Variants in TAFA4 observed in about 807,000 individuals in gnomAD.
TAFA4 encodes the protein chemokine-like protein TAFA-4.
In TAFA4, 20 loss-of-function variants were observed where a neutral mutation model predicts 21.1. That is an observed-to-expected ratio of 0.95 (90% CI 0.67 to 1.38). TAFA4 has a LOEUF of 1.38. Ranked by LOEUF, TAFA4 falls within the 40% of genes most tolerant of loss-of-function variation. TAFA4 has a pLI of 0.00. For missense variants in TAFA4, 211 were observed against 180.9 expected (o/e 1.17, Z -0.95); for synonymous variants, 71 against 67.4 (o/e 1.05, Z -0.26).
At chr3:68,750,525 T>C (rs973288398) in intron 4 of TAFA4, among the ~76,000 whole-genome samples, 1 of 152,108 alleles carries the variant, frequency 6.6e-6, no homozygotes, top group Non-Finnish European at 1.5e-5. Flanking sequence ...TACAAACCTA[T>C]CTCCAAATAC....
intron 3 of TAFA4, among the ~76,000 whole-genome samples, chr3:68,796,888 A>AGG (rs1703462487): frequency 6.6e-6 from 1 of 152,222 alleles, no homozygotes; most frequent in Non-Finnish European, 1.5e-5. Context: ...AAGATGCTCA[A>AGG]CATCACTAAT....
chr3:68,788,398 T>G (rs1475878976), intron 3 of TAFA4, among the ~76,000 whole-genome samples: 1 of 152,180 alleles, frequency 6.6e-6, no homozygotes. Context: ...CAACATTTCC[T>G]TTTTCGGAGA....
At chr3:68,863,109 G>A (rs1016502666) in intron 3 of TAFA4, among the ~76,000 whole-genome samples, 10 of 151,196 alleles carry the variant, frequency 6.6e-5, no homozygotes, top group South Asian at 2.1e-4. Flanking sequence ...ATGGTGGTAC[G>A]TGCCCATAGT....
chr3:68,805,906 G>GT (rs1703688034), intron 3 of TAFA4, among the ~76,000 whole-genome samples: 2 of 151,726 alleles, frequency 1.3e-5, no homozygotes, highest in South Asian at 4.2e-4. Context: ...GTATACATAC[G>GT]TAACAAACCT....
chr3:68,904,005 T>G (rs2089871727), intron 1 of TAFA4, among the ~76,000 whole-genome samples: 1 of 150,660 alleles, frequency 6.6e-6, no homozygotes, highest in South Asian at 2.1e-4. Context: ...GACTTCTGTA[T>G]AAGGCATACA....
At chr3:68,880,655 T>A in intron 3 of TAFA4, 75 bp downstream of exon 3, 1 of 1,195,046 alleles carries the variant, frequency 8.4e-7, no homozygotes, top group Non-Finnish European at 1.2e-6. Context: ...CAGTTATCTG[T>A]GTCTAAAATG....
At chr3:68,764,372 C>G (rs1281069611) in intron 3 of TAFA4, among the ~76,000 whole-genome samples, 1 of 152,110 alleles carries the variant, frequency 6.6e-6, no homozygotes, top group Non-Finnish European at 1.5e-5. Flanking sequence ...CTTCTAGCCT[C>G]TAGAACTATA....
intron 1 of TAFA4, among the ~76,000 whole-genome samples, chr3:68,909,100 G>A (rs1319581973): frequency 6.6e-6 from 1 of 152,024 alleles, no homozygotes; most frequent in Non-Finnish European, 1.5e-5. Flanking sequence ...TGTAGCTTGG[G>A]GCTACCAAGT....
At chr3:68,797,958 G>A (rs1280396578) in intron 3 of TAFA4, among the ~76,000 whole-genome samples, 1 of 152,164 alleles carries the variant, frequency 6.6e-6, no homozygotes, top group Non-Finnish European at 1.5e-5. Context: ...TATGCTTTGT[G>A]CATTTCACTA....
intron 3 of TAFA4, among the ~76,000 whole-genome samples, chr3:68,856,316 CTTTATTA>C (rs1705068689): frequency 6.6e-6 from 1 of 152,080 alleles, no homozygotes; most frequent in Non-Finnish European, 1.5e-5. Flanking sequence ...AATAAGAATG[CTTTATTA>C]TTTGTGTCAT....
intron 1 of TAFA4, among the ~76,000 whole-genome samples, chr3:68,893,834 T>G (rs982153522): frequency 6.6e-6 from 1 of 152,234 alleles, no homozygotes; most frequent in Non-Finnish European, 1.5e-5. Flanking sequence ...AATGGTGCCC[T>G]CCTGTGGACA....
chr3:68,884,406 A>G (rs1368361392), intron 2 of TAFA4, among the ~76,000 whole-genome samples: 1 of 152,214 alleles, frequency 6.6e-6, no homozygotes, highest in African/African-American at 2.4e-5. Flanking sequence ...TCCTGCCAGA[A>G]GGGTCCACTG....
chr3:68,844,930 A>G (rs1360817634), intron 3 of TAFA4, among the ~76,000 whole-genome samples: 1 of 152,174 alleles, frequency 6.6e-6, no homozygotes, highest in African/African-American at 2.4e-5. Flanking sequence ...GGAGTGTTTC[A>G]CTTCCAATTG....
intron 3 of TAFA4, among the ~76,000 whole-genome samples, chr3:68,801,747 G>A (rs1703582845): frequency 6.6e-6 from 1 of 152,048 alleles, no homozygotes; most frequent in African/African-American, 2.4e-5. Context: ...TTTTAAAAAT[G>A]ACCACTTAAA....
chr3:68,924,233 A>G (rs1200892347), intron 1 of TAFA4, among the ~76,000 whole-genome samples: 3 of 152,238 alleles, frequency 2.0e-5, no homozygotes, highest in Non-Finnish European at 4.4e-5. Context: ...GTGGAAAAAA[A>G]CAAATGTCCA....
At chr3:68,803,763 C>T (rs1703625304) in intron 3 of TAFA4, among the ~76,000 whole-genome samples, 1 of 142,686 alleles carries the variant, frequency 7.0e-6, no homozygotes, top group Non-Finnish European at 1.5e-5. Flanking sequence ...CCTCAAGAGG[C>T]TCAGGGCCTT....
intron 3 of TAFA4, among the ~76,000 whole-genome samples, chr3:68,824,141 C>T (rs1307765676): frequency 3.3e-5 from 5 of 152,126 alleles, no homozygotes; most frequent in African/African-American, 1.2e-4. Context: ...TTTAAAAAAT[C>T]GTAACGACAA....
intron 3 of TAFA4, among the ~76,000 whole-genome samples, chr3:68,785,005 T>C (rs1332253252): frequency 1.3e-5 from 2 of 151,804 alleles, no homozygotes; most frequent in African/African-American, 4.8e-5. Context: ...TTGAGCTAGA[T>C]ACAGAGTGCC....
intron 4 of TAFA4, among the ~76,000 whole-genome samples, chr3:68,740,087 T>C (rs778938905): frequency 1.3e-5 from 2 of 152,168 alleles, no homozygotes; most frequent in Non-Finnish European, 2.9e-5. Context: ...GACTGTGCCA[T>C]TGTCTAGATT....
Sources: gnomAD v4.1 joint callset for allele counts (sites outside exome capture counted in the v4.1 genomes callset) on GRCh38, gnomAD v4.1.1 for gene constraint, MANE v1.5 for transcripts, NCBI Gene and HGNC (gene_info 2026-07-23, HGNC 2026-07-21) for gene names.